RBFOX1: variants seen among roughly 807,000 people sequenced by gnomAD.
RBFOX1 encodes the protein RNA binding fox-1 homolog 1, also known as RNA binding protein fox-1 homolog 1.
A neutral mutation model predicts 57.7 loss-of-function variants in RBFOX1; 8 were observed. That is an observed-to-expected ratio of 0.14 (90% CI 0.08 to 0.25). The LOEUF is 0.25. Among genes scored for constraint, RBFOX1 ranks in the 10% least tolerant of loss-of-function variants. RBFOX1 has a pLI of 1.00. For missense variants in RBFOX1, 611 were observed against 548.5 expected (o/e 1.11, Z -1.14); for synonymous variants, 326 against 222.4 (o/e 1.47, Z -4.15).
At chr16:7,702,789 C>G (rs985847046) in intron 14 of RBFOX1, among the ~76,000 whole-genome samples, 6 of 152,180 alleles carry the variant, frequency 3.9e-5, no homozygotes, top group African/African-American at 1.4e-4. Flanking sequence ...AGCAACAACT[C>G]ATTGGTAATG....
intron 3 of RBFOX1, among the ~76,000 whole-genome samples, chr16:7,040,690 G>C (rs1275826971): frequency 6.6e-6 from 1 of 152,116 alleles, no homozygotes; most frequent in Non-Finnish European, 1.5e-5. Context: ...CCTTGTGTGT[G>C]TGCATAGTTT....
intron 2 of RBFOX1, among the ~76,000 whole-genome samples, chr16:6,401,412 T>C (rs1320223411): frequency 1.3e-5 from 2 of 152,212 alleles, no homozygotes; most frequent in Non-Finnish European, 2.9e-5. Context: ...AACTCACACC[T>C]GTGAAAATGA....
intron 4 of RBFOX1, among the ~76,000 whole-genome samples, chr16:5,892,216 G>A (rs991311197): frequency 6.6e-6 from 1 of 152,146 alleles, no homozygotes; most frequent in African/African-American, 2.4e-5. Context: ...ACACAGCAGC[G>A]TGAATGGCTG....
chr16:6,336,187 T>TTA (rs2083716919), intron 2 of RBFOX1, among the ~76,000 whole-genome samples: 1 of 37,594 alleles, frequency 2.7e-5, no homozygotes, highest in Non-Finnish European at 4.8e-5. Context: ...ATATATTTTT[T>TTA]TTTTTTTTTT....
At chr16:6,371,173 A>G (rs1390159584) in intron 2 of RBFOX1, among the ~76,000 whole-genome samples, 3 of 152,164 alleles carry the variant, frequency 2.0e-5, no homozygotes, top group Non-Finnish European at 4.4e-5. Flanking sequence ...TAATTAATAC[A>G]TAGTTTGGGG....
At chr16:7,527,311 C>A (rs539381541) in intron 5 of RBFOX1, among the ~76,000 whole-genome samples, 1 of 152,046 alleles carries the variant, frequency 6.6e-6, no homozygotes, top group African/African-American at 2.4e-5. Context: ...CCTTTATTAC[C>A]CAATACTGTG....
chr16:6,619,454 A>C (rs987883101), intron 2 of RBFOX1, among the ~76,000 whole-genome samples: 2 of 152,182 alleles, frequency 1.3e-5, no homozygotes, highest in African/African-American at 2.4e-5. Flanking sequence ...CATCAATTAC[A>C]GTTCAATCAG....
At chr16:7,056,557 G>T (rs559037548) in intron 4 of RBFOX1, among the ~76,000 whole-genome samples, 1 of 152,192 alleles carries the variant, frequency 6.6e-6, no homozygotes, top group African/African-American at 2.4e-5. Context: ...CCAACAGATG[G>T]ACAAATAAAC....
At chr16:6,760,417 C>G (rs912808667) in intron 3 of RBFOX1, among the ~76,000 whole-genome samples, 1 of 152,010 alleles carries the variant, frequency 6.6e-6, no homozygotes, top group Admixed American at 6.6e-5. Flanking sequence ...CTTGCTCTTA[C>G]AAGAAGTGAT....
At chr16:6,894,522 C>T (rs950032291) in intron 3 of RBFOX1, among the ~76,000 whole-genome samples, 1 of 152,180 alleles carries the variant, frequency 6.6e-6, no homozygotes, top group Non-Finnish European at 1.5e-5. Flanking sequence ...TGCTCTCCAT[C>T]CCAACTAGAG....
At chr16:6,877,258 C>G (rs9926006) in intron 3 of RBFOX1, among the ~76,000 whole-genome samples, 4,669 of 152,234 alleles carry the variant, frequency 0.031, 111 homozygotes, top group African/African-American at 0.068. Flanking sequence ...TTGACATGTC[C>G]TAGAGAAAGA....
chr16:6,605,171 C>G (rs1357033977), intron 2 of RBFOX1, among the ~76,000 whole-genome samples: 2 of 152,014 alleles, frequency 1.3e-5, no homozygotes, highest in Non-Finnish European at 1.5e-5. Context: ...CCCAGGAGCT[C>G]AAGGCTACAG....
At chr16:6,926,385 GA>G (rs2075593085) in intron 3 of RBFOX1, among the ~76,000 whole-genome samples, 2 of 152,200 alleles carry the variant, frequency 1.3e-5, no homozygotes, top group African/African-American at 2.4e-5. Flanking sequence ...CCCGCCTGCA[GA>G]AAGTACCCAC....
chr16:6,288,916 A>T (rs549252650), intron 1 of RBFOX1, among the ~76,000 whole-genome samples: 2 of 152,130 alleles, frequency 1.3e-5, no homozygotes, highest in Non-Finnish European at 2.9e-5. Context: ...TCTCAAGGCA[A>T]TGCTTCTCAT....
At position 5,502,299 on chromosome 16, in the gene RBFOX1, C is replaced by T. The variant is rs567309897; in HGVS notation, c.258+35045C>T. On this transcript the variant is annotated intron_variant, in intron 2 of 2. Coordinates refer to the RBFOX1 transcript ENST00000585867. ...CCATGAAATGGAGAGATGGTCCTCC[C>T]GTCCCTGTGTGACTTCTGTGCTGGT... Among the ~76,000 whole-genome samples the T allele has an allele frequency of 1.3e-3, 195 of 152,240 alleles. 1 individual carries two copies. Among genetic ancestry groups the T allele is most frequent in the Non-Finnish European group, 1.3e-3 (86 of 68,014 alleles).
At chr16:5,523,851 C>T (rs2044125393) in intron 2 of RBFOX1, among the ~76,000 whole-genome samples, 1 of 152,266 alleles carries the variant, frequency 6.6e-6, no homozygotes, top group Middle Eastern at 3.4e-3. Flanking sequence ...CCTGGAGGAC[C>T]AGGTGTCCTT....
chr16:6,090,329 T>C (rs1437932434), intron 1 of RBFOX1, among the ~76,000 whole-genome samples: 1 of 152,208 alleles, frequency 6.6e-6, no homozygotes, highest in Non-Finnish European at 1.5e-5. Context: ...AGGTAAAATA[T>C]ATTCACAGGT....
At chr16:6,467,259 A>G (rs2095071080) in intron 2 of RBFOX1, among the ~76,000 whole-genome samples, 1 of 151,668 alleles carries the variant, frequency 6.6e-6, no homozygotes, top group Non-Finnish European at 1.5e-5. Context: ...TTAATGTAAT[A>G]TAAAGCTTAC....
chr16:5,492,023 C>T (rs776213951), intron 2 of RBFOX1, among the ~76,000 whole-genome samples: 3 of 152,166 alleles, frequency 2.0e-5, no homozygotes, highest in Non-Finnish European at 4.4e-5. Flanking sequence ...GTGTGGGCCC[C>T]AGACCAGCAG....
Sources: allele counts gnomAD v4.1 joint callset (sites outside exome capture counted in the v4.1 genomes callset), GRCh38; gene constraint gnomAD v4.1.1; transcripts MANE v1.5; gene names NCBI Gene and HGNC (gene_info 2026-07-23, HGNC 2026-07-21).